The following MACROD2 variants were observed in gnomAD, a reference collection of about 807,000 sequenced individuals.
MACROD2 encodes the protein mono-ADP ribosylhydrolase 2, also known as ADP-ribose glycohydrolase MACROD2.
MACROD2 carries 36 observed loss-of-function variants against 70.4 expected under a neutral mutation model. The ratio of observed to expected loss-of-function variants is 0.51; its 90% CI spans 0.39 to 0.68. The LOEUF (loss-of-function observed/expected upper bound fraction) is 0.68. Ranked by LOEUF, MACROD2 falls within the 30% of genes least tolerant of loss-of-function variation. The pLI is 0.00. For missense variants in MACROD2, 496 were observed against 538.4 expected, an observed-to-expected ratio of 0.92 and a Z score of 0.78; for synonymous variants, 172 against 178.8, an observed-to-expected ratio of 0.96 and a Z score of 0.30.
chr20:14,727,994 C>T (rs75082029), intron 5 of MACROD2, among the ~76,000 whole-genome samples: 3,956 of 151,960 alleles, frequency 0.026, 185 homozygotes, highest in African/African-American at 0.09. Flanking sequence ...ACTTACTGGC[C>T]CCAGAATTCT....
At chr20:15,399,678 T>C (rs1364286225) in intron 6 of MACROD2, among the ~76,000 whole-genome samples, 1 of 152,228 alleles carries the variant, frequency 6.6e-6, no homozygotes, top group Non-Finnish European at 1.5e-5. Flanking sequence ...AGAAAGAGTA[T>C]TAGTAGTCTG....
At chr20:15,774,398 T>G (rs1397546134) in intron 8 of MACROD2, among the ~76,000 whole-genome samples, 1 of 152,202 alleles carries the variant, frequency 6.6e-6, no homozygotes, top group Admixed American at 6.5e-5. Context: ...TTCCTTTTTA[T>G]ACTGTGCTTT....
Position 14,630,542 on chromosome 20 carries a change from C to T in MACROD2, c.302-54301C>T, listed in dbSNP as rs79707382. On this transcript the variant is annotated intron_variant, in intron 4 of 17. Transcript: ENST00000684519. ...GCAATGATTTAGGCTTTCCAAACAACGTAAATTATATATGCAGATTACTTC... is the reference window on the plus strand; with the variant it reads ...GCAATGATTTAGGCTTTCCAAACAATGTAAATTATATATGCAGATTACTTC... 9.7e-3 allele frequency among the ~76,000 whole-genome samples: 1,470 copies of T among 152,244 alleles called. 17 individuals are homozygous for T. Among genetic ancestry groups the T allele is most frequent in the African/African-American group, 0.031 (1,302 of 41,530 alleles).
chr20:14,978,082 A>G (rs1267183245), intron 5 of MACROD2, among the ~76,000 whole-genome samples: 1 of 152,156 alleles, frequency 6.6e-6, no homozygotes, highest in Non-Finnish European at 1.5e-5. Flanking sequence ...CAGTGAAAAC[A>G]ATTAAGCTGA....
intron 5 of MACROD2, among the ~76,000 whole-genome samples, chr20:14,897,256 C>G (rs191300918): frequency 3.8e-4 from 58 of 152,132 alleles, no homozygotes; most frequent in African/African-American, 1.2e-3. Flanking sequence ...ATGGCATTCT[C>G]TTTGAAGGTG....
intron 6 of MACROD2, among the ~76,000 whole-genome samples, chr20:15,398,281 A>G (rs977166228): frequency 2.0e-5 from 3 of 152,230 alleles, no homozygotes; most frequent in African/African-American, 7.2e-5. Context: ...CTGTCAACTC[A>G]TATCATTCTC....
intron 15 of MACROD2, among the ~76,000 whole-genome samples, chr20:16,040,437 TTATG>T (rs1455466517): frequency 6.6e-6 from 1 of 151,976 alleles, no homozygotes; most frequent in African/African-American, 2.4e-5. Flanking sequence ...TTCTAGCACT[TTATG>T]TATGTATTTG....
intron 5 of MACROD2, among the ~76,000 whole-genome samples, chr20:15,021,215 CATACAGGTGTGCGTAT>C (rs1568534810): frequency 7.7e-4 from 11 of 14,374 alleles, no homozygotes; most frequent in East Asian, 6.0e-3. Flanking sequence ...TATGTATACA[CATACAGGTGTGCGTAT>C]ACACACACCT....
intron 5 of MACROD2, among the ~76,000 whole-genome samples, chr20:14,896,034 C>T (rs1242896496): frequency 1.9e-4 from 29 of 152,162 alleles, no homozygotes; most frequent in Admixed American, 4.6e-4. Context: ...CTGTGGCTCA[C>T]GCCTATAATC....
chr20:15,873,404 A>G (rs887442602), intron 9 of MACROD2, among the ~76,000 whole-genome samples: 2 of 152,186 alleles, frequency 1.3e-5, no homozygotes, highest in Admixed American at 1.3e-4. Context: ...AAGGTAATTA[A>G]TGGGTAACAA....
intron 4 of MACROD2, among the ~76,000 whole-genome samples, chr20:14,586,557 C>A (rs1214748551): frequency 2.0e-5 from 3 of 152,056 alleles, no homozygotes; most frequent in African/African-American, 7.2e-5. Context: ...GAATACCAAT[C>A]TGGCTTTCTC....
chr20:14,169,186 C>T (rs2081196689), intron 3 of MACROD2, among the ~76,000 whole-genome samples: 1 of 152,116 alleles, frequency 6.6e-6, no homozygotes, highest in African/African-American at 2.4e-5. Flanking sequence ...GCAAAATTGG[C>T]ATAGAAGAGA....
intron 5 of MACROD2, among the ~76,000 whole-genome samples, chr20:14,742,773 AT>A (rs397817634): frequency 1.9e-4 from 28 of 146,476 alleles, no homozygotes; most frequent in South Asian, 6.5e-4. Context: ...ATTTTATTTT[AT>A]TTTTTTTTTT....
intron 3 of MACROD2, among the ~76,000 whole-genome samples, chr20:14,121,026 A>T (rs942675503): frequency 2.6e-5 from 4 of 151,818 alleles, no homozygotes; most frequent in African/African-American, 9.7e-5. Flanking sequence ...ATTTTTTTTT[A>T]GAAGGAAAAA....
intron 8 of MACROD2, among the ~76,000 whole-genome samples, chr20:15,508,615 A>G (rs2146507674): frequency 1.3e-5 from 2 of 152,326 alleles, no homozygotes; most frequent in Middle Eastern, 6.8e-3. Context: ...AGATACTTTC[A>G]TGTTCTACTA....
intron 12 of MACROD2, among the ~76,000 whole-genome samples, chr20:15,954,657 G>T (rs1380368851): frequency 6.6e-6 from 1 of 151,962 alleles, no homozygotes; most frequent in Non-Finnish European, 1.5e-5. Context: ...TATTTATTGG[G>T]TCTTAACTTT....
intron 6 of MACROD2, among the ~76,000 whole-genome samples, chr20:15,310,634 C>T (rs1296570932): frequency 6.6e-6 from 1 of 152,032 alleles, no homozygotes; most frequent in Non-Finnish European, 1.5e-5. Flanking sequence ...ATACATATTG[C>T]CACACACATG....
intron 8 of MACROD2, among the ~76,000 whole-genome samples, chr20:15,575,639 G>A (rs1195444149): frequency 6.6e-6 from 1 of 152,158 alleles, no homozygotes; most frequent in Non-Finnish European, 1.5e-5. Context: ...TTTGTAATAT[G>A]TGTTTTTAAA....
chr20:14,723,586 GTC>G (rs1445649928), intron 5 of MACROD2, among the ~76,000 whole-genome samples: 1 of 149,312 alleles, frequency 6.7e-6, no homozygotes, highest in African/African-American at 2.5e-5. Context: ...GTGTGCTAGA[GTC>G]TCTATAAAAC....
Sources: gnomAD v4.1 joint callset for allele counts (sites outside exome capture counted in the v4.1 genomes callset) on GRCh38, gnomAD v4.1.1 for gene constraint, MANE v1.5 for transcripts, NCBI Gene and HGNC (gene_info 2026-07-23, HGNC 2026-07-21) for gene names.